PLPPR1: variants seen among roughly 807,000 people sequenced by gnomAD.
The protein encoded by PLPPR1 is phospholipid phosphatase-related protein type 1.
PLPPR1 carries 10 observed loss-of-function variants against 33.1 expected under a neutral mutation model. The observed-to-expected ratio is 0.30, with a 90% CI of 0.19 to 0.51. PLPPR1 has a LOEUF of 0.51. Among genes scored for constraint, PLPPR1 ranks in the 20% least tolerant of loss-of-function variants. The pLI, the probability that PLPPR1 is intolerant of heterozygous loss-of-function variation, is 0.97. For synonymous variants in PLPPR1, 151 were observed against 151.0 expected (o/e 1.00, Z 0.00); for missense variants, 304 against 408.1 (o/e 0.74, Z 2.20).
At chr9:101,207,942 T>C (rs1415885198) in intron 2 of PLPPR1, among the ~76,000 whole-genome samples, 1 of 152,192 alleles carries the variant, frequency 6.6e-6, no homozygotes, top group Non-Finnish European at 1.5e-5. Context: ...CAAACGTATT[T>C]CATTTGGGTC....
chr9:101,251,925 G>A (rs561614807), intron 2 of PLPPR1, among the ~76,000 whole-genome samples: 2 of 152,220 alleles, frequency 1.3e-5, no homozygotes, highest in East Asian at 3.9e-4. Flanking sequence ...TTATATGCCT[G>A]AGGAGGAAAA....
rs1830009704 is a variant in PLPPR1, at chr9:101,036,336, G to T, written c.-46+7234G>T. The stretch of plus-strand genomic sequence containing the variant: ...CTGCTAATAAGCATTTCATGACCTG[G>T]CTAATCTTCTGGTCAATAAACGTTA... On this transcript the variant is annotated intron_variant, in intron 1 of 7. Transcript: ENST00000374874. 3.9e-5 allele frequency among the ~76,000 whole-genome samples: 6 copies of T among 152,192 alleles called. No homozygotes were observed. In the South Asian group the frequency reaches 1.2e-3, roughly 32 times the overall value.
chr9:101,200,616 A>G (rs1366806650), intron 2 of PLPPR1, among the ~76,000 whole-genome samples: 1 of 152,068 alleles, frequency 6.6e-6, no homozygotes, highest in Admixed American at 6.5e-5. Flanking sequence ...AGTGTAGACA[A>G]TTTCATTTTG....
intron 3 of PLPPR1, among the ~76,000 whole-genome samples, 172 bp from the exon 4 acceptor site, chr9:101,285,932 C>A (rs1260397762): frequency 6.6e-6 from 1 of 152,204 alleles, no homozygotes; most frequent in African/African-American, 2.4e-5. Flanking sequence ...TTATCACTTT[C>A]TCTAATTCTT....
intron 6 of PLPPR1, 104 bp downstream of exon 6, chr9:101,313,078 C>T (rs1318258335): frequency 4.2e-6 from 4 of 958,892 alleles, no homozygotes; most frequent in Non-Finnish European, 6.5e-6. Flanking sequence ...TTCGTCCCAA[C>T]CTTGTGAATT....
At chr9:101,317,073 G>A (rs114162766) in intron 6 of PLPPR1, among the ~76,000 whole-genome samples, 5,492 of 152,204 alleles carry the variant, frequency 0.036, 339 homozygotes, top group African/African-American at 0.12. Context: ...ATTATTATGA[G>A]GTGGTTTGCA....
chr9:101,159,802 C>T (rs1831749990), intron 1 of PLPPR1, among the ~76,000 whole-genome samples: 1 of 152,178 alleles, frequency 6.6e-6, no homozygotes, highest in Admixed American at 6.5e-5. Flanking sequence ...CTGATAGGTA[C>T]CCACCTGGTT....
rs36166780 is a variant in PLPPR1, at chr9:101,043,270, C to CAT, written c.-46+14177_-46+14178dup. Among the ~76,000 whole-genome samples the CAT allele has an allele frequency of 1.2e-3, 177 of 151,362 alleles. 1 individual carries two copies. The highest frequency in any genetic ancestry group is 4.1e-3 in the African/African-American group (168 of 41,236). On this transcript the variant is annotated intron_variant, in intron 1 of 7. Coordinates refer to ENST00000374874, the MANE Select transcript of PLPPR1 (RefSeq NM_207299.2). Reference sequence around the variant, plus strand: ...TTTTTATGGCTGAGTAGTATTCCATCATATATATATGTGTGTGTGTGTATA... The same window carrying CAT: ...TTTTTATGGCTGAGTAGTATTCCATCATATATATATATGTGTGTGTGTGTATA...
At chr9:101,143,890 G>A (rs1358825202) in intron 1 of PLPPR1, among the ~76,000 whole-genome samples, 1 of 152,174 alleles carries the variant, frequency 6.6e-6, no homozygotes, top group African/African-American at 2.4e-5. Context: ...CATGGATGTA[G>A]AACTAGAAAT....
intron 2 of PLPPR1, among the ~76,000 whole-genome samples, chr9:101,212,012 A>T (rs1368820491): frequency 1.3e-5 from 2 of 152,074 alleles, no homozygotes. Context: ...CTAACACTAC[A>T]TCCTTTGCTT....
chr9:101,309,062 G>A, intron 4 of PLPPR1, 149 bp from the exon 5 acceptor site: 1 of 733,050 alleles, frequency 1.4e-6, no homozygotes, highest in Non-Finnish European at 2.3e-6. Context: ...GATTTGGGAA[G>A]CAGGTACCAC....
intron 4 of PLPPR1, among the ~76,000 whole-genome samples, chr9:101,291,833 G>A (rs1025479071): frequency 2.6e-5 from 4 of 152,276 alleles, no homozygotes; most frequent in African/African-American, 9.6e-5. Flanking sequence ...AAACGACAAA[G>A]ATGGGGAAAA....
intron 2 of PLPPR1, among the ~76,000 whole-genome samples, chr9:101,221,153 T>A (rs1826926056): frequency 6.6e-6 from 1 of 152,172 alleles, no homozygotes. Flanking sequence ...ATAAGTAAGT[T>A]CTTTAGTGGT....
chr9:101,052,721 A>G lies in PLPPR1; in HGVS notation c.-46+23619A>G, dbSNP rs79617154. Among the ~76,000 whole-genome samples the G allele has an allele frequency of 0.017, 2,523 of 152,296 alleles. 142 individuals carry two copies. The South Asian group carries it at 0.2, about 12-fold the overall frequency. ...CTTAGGTCATATTTTCTAATGTCCC[A>G]TTGGCAAAAGCAAGTTCTATGGCCA... On this transcript the variant is annotated intron_variant, in intron 1 of 7. Coordinates refer to ENST00000374874, the MANE Select transcript of PLPPR1 (RefSeq NM_207299.2).
chr9:101,084,008 T>C (rs1005819341), intron 1 of PLPPR1, among the ~76,000 whole-genome samples: 4 of 152,218 alleles, frequency 2.6e-5, no homozygotes, highest in Non-Finnish European at 5.9e-5. Context: ...GTGTTTGGCC[T>C]GAGTGGCTGG....
intron 2 of PLPPR1, among the ~76,000 whole-genome samples, chr9:101,226,049 G>A (rs952482903): frequency 3.3e-5 from 5 of 152,034 alleles, no homozygotes; most frequent in Non-Finnish European, 7.4e-5. Flanking sequence ...TCTTTCTACA[G>A]AACCAAAGAG....
At chr9:101,321,607 TGTTCA>T (rs949039840) in intron 7 of PLPPR1, among the ~76,000 whole-genome samples, 5 of 152,168 alleles carry the variant, frequency 3.3e-5, no homozygotes, top group East Asian at 1.9e-4. Flanking sequence ...AGCTGAGTGT[TGTTCA>T]GTTGAGTTCT....
intron 1 of PLPPR1, among the ~76,000 whole-genome samples, chr9:101,085,135 C>A (rs1248627906): frequency 6.6e-6 from 1 of 152,032 alleles, no homozygotes; most frequent in African/African-American, 2.4e-5. Context: ...TTGAGGATAC[C>A]ACTGTAATGG....
chr9:101,200,934 C>G (rs1366162623), intron 2 of PLPPR1, among the ~76,000 whole-genome samples: 2 of 152,202 alleles, frequency 1.3e-5, no homozygotes, highest in East Asian at 3.9e-4. Flanking sequence ...TCTGTTTGTG[C>G]TGCTATAAGA....
Sources: allele counts gnomAD v4.1 joint callset (sites outside exome capture counted in the v4.1 genomes callset), GRCh38; gene constraint gnomAD v4.1.1; transcripts MANE v1.5; gene names NCBI Gene and HGNC (gene_info 2026-07-23, HGNC 2026-07-21).